MAST4: variants seen among roughly 807,000 people sequenced by gnomAD.
MAST4 encodes microtubule-associated serine/threonine-protein kinase 4.
Under a neutral mutation model 162.7 loss-of-function variants are expected in MAST4, and 89 were observed. The observed-to-expected ratio is 0.55, with a 90% CI of 0.46 to 0.65. The LOEUF (loss-of-function observed/expected upper bound fraction) is 0.65, where lower values mean the gene tolerates loss of function less well. MAST4 is among the 30% of genes least tolerant of loss of function. The probability of loss-of-function intolerance (pLI) is 0.00; values close to 1 mark genes in which losing one functional copy is unlikely to be tolerated. For missense variants in MAST4, 3,153 were observed against 3,374.0 expected, an observed-to-expected ratio of 0.93 and a Z score of 1.62; for synonymous variants, 1,479 against 1,361.1, an observed-to-expected ratio of 1.09 and a Z score of -1.91.
chr5:66,895,697 C>G (rs1377605316), intron 3 of MAST4, among the ~76,000 whole-genome samples: 1 of 152,106 alleles, frequency 6.6e-6, no homozygotes, highest in Non-Finnish European at 1.5e-5. Flanking sequence ...TACAGTATTT[C>G]TATAGCTTCC....
intron 3 of MAST4, among the ~76,000 whole-genome samples, chr5:66,897,240 G>T (rs922577235): frequency 3.3e-5 from 5 of 152,030 alleles, no homozygotes; most frequent in Non-Finnish European, 5.9e-5. Context: ...CATATGTCAA[G>T]CACAAGCTTG....
chr5:66,709,577 A>C (rs1750363711), intron 1 of MAST4, among the ~76,000 whole-genome samples: 1 of 152,078 alleles, frequency 6.6e-6, no homozygotes, highest in African/African-American at 2.4e-5. Flanking sequence ...TCGGCCTCCC[A>C]AAGTGCTGGG....
intron 1 of MAST4, among the ~76,000 whole-genome samples, chr5:66,604,944 A>G (rs1204324474): frequency 2.0e-5 from 3 of 152,194 alleles, no homozygotes; most frequent in Non-Finnish European, 4.4e-5. Context: ...AAATCCTCAC[A>G]TTTGAAATTA....
chr5:66,866,875 G>A (rs954186501), intron 3 of MAST4, among the ~76,000 whole-genome samples: 6 of 152,138 alleles, frequency 3.9e-5, no homozygotes, highest in African/African-American at 7.2e-5. Context: ...TCAGCCTCTC[G>A]AGTAGCCAGG....
At chr5:67,147,797 TAAATG>T (rs1458996204) in intron 23 of MAST4, among the ~76,000 whole-genome samples, 1 of 152,246 alleles carries the variant, frequency 6.6e-6, no homozygotes, top group Admixed American at 6.5e-5. Context: ...AATATTCTGT[TAAATG>T]AGAATGAGTT....
chr5:66,851,850 G>T (rs1040758514), intron 3 of MAST4, among the ~76,000 whole-genome samples: 1 of 152,096 alleles, frequency 6.6e-6, no homozygotes, highest in African/African-American at 2.4e-5. Flanking sequence ...CTTGCTAAGT[G>T]TGCCTAATTT....
At chr5:66,917,241 CTCTTT>C (rs965488361) in intron 4 of MAST4, 2 of 481,858 alleles carry the variant, frequency 4.2e-6, no homozygotes, top group African/African-American at 3.9e-5. Flanking sequence ...ATTTACATTT[CTCTTT>C]TCTTCACTTC....
chr5:66,866,045 A>C (rs1220514056), intron 3 of MAST4, among the ~76,000 whole-genome samples: 1 of 144,058 alleles, frequency 6.9e-6, no homozygotes, highest in African/African-American at 2.6e-5. Context: ...ACCACACTCC[A>C]GCCTGGGTGA....
intron 4 of MAST4, among the ~76,000 whole-genome samples, chr5:66,932,661 G>A (rs1290201816): frequency 6.6e-6 from 1 of 152,128 alleles, no homozygotes; most frequent in East Asian, 1.9e-4. Context: ...TCCATATTGG[G>A]GTTGGTAATT....
intron 4 of MAST4, among the ~76,000 whole-genome samples, chr5:66,953,502 C>T (rs926961106): frequency 2.0e-5 from 3 of 152,056 alleles, no homozygotes; most frequent in African/African-American, 7.2e-5. Context: ...TCCTGTATGG[C>T]ATGGAGACCC....
chr5:66,651,758 A>T (rs1746236238), intron 1 of MAST4, among the ~76,000 whole-genome samples: 1 of 152,140 alleles, frequency 6.6e-6, no homozygotes, highest in Non-Finnish European at 1.5e-5. Context: ...CTGCAGTCTC[A>T]TCTGAAAGCT....
At chr5:67,002,295 T>C (rs1476514606) in intron 4 of MAST4, among the ~76,000 whole-genome samples, 1 of 152,132 alleles carries the variant, frequency 6.6e-6, no homozygotes, top group African/African-American at 2.4e-5. Context: ...AGAATACAGA[T>C]CTACTAGTAC....
chr5:67,078,600 A>G (rs1266931043), intron 5 of MAST4, among the ~76,000 whole-genome samples: 2 of 146,058 alleles, frequency 1.4e-5, no homozygotes, highest in Admixed American at 7.0e-5. Context: ...TGTCAAGTCA[A>G]TAAAGCTGGA....
chr5:66,860,829 T>A (rs1476011383), intron 3 of MAST4, among the ~76,000 whole-genome samples: 1 of 151,710 alleles, frequency 6.6e-6, no homozygotes, highest in Admixed American at 6.6e-5. Context: ...GCATGCTTCC[T>A]TCCTACTTTG....
At chr5:66,641,358 A>G (rs1417932039) in intron 1 of MAST4, among the ~76,000 whole-genome samples, 2 of 151,986 alleles carry the variant, frequency 1.3e-5, no homozygotes, top group East Asian at 1.9e-4. Context: ...GAATTTCGCT[A>G]TGTTGGCTAG....
intron 3 of MAST4, among the ~76,000 whole-genome samples, chr5:66,874,677 G>A (rs1230318725): frequency 6.6e-6 from 1 of 152,104 alleles, no homozygotes. Context: ...AAAATACATG[G>A]TTTCGGTCTG....
At chr5:66,868,648 C>T (rs1226260859) in intron 3 of MAST4, among the ~76,000 whole-genome samples, 3 of 151,920 alleles carry the variant, frequency 2.0e-5, no homozygotes, top group Admixed American at 6.6e-5. Flanking sequence ...GACTTTAATC[C>T]TCCAGGCTCT....
chr5:66,694,807 A>G (rs1174255347), intron 1 of MAST4, among the ~76,000 whole-genome samples: 1 of 151,958 alleles, frequency 6.6e-6, no homozygotes, highest in Non-Finnish European at 1.5e-5. Flanking sequence ...TTTTTCTCAC[A>G]TGTTTTTGGC....
rs1685896777 is a variant in MAST4 at position 67,168,213 on chromosome 5, T to A, written c.*1162T>A. On this transcript the variant is annotated 3_prime_UTR_variant, in exon 29 of 29. Coordinates refer to ENST00000403625, the MANE Select transcript of MAST4 (RefSeq NM_001164664.2). ...CATCAGATACATTTTAATACATAGC[T>A]GGGGCCTTATGTTGTAGATGAAGCT... 1 of 152,122 alleles carries A rather than the reference T, an allele frequency of 6.6e-6. No homozygotes were observed. The highest frequency in any genetic ancestry group is 2.1e-4 in the South Asian group (1 of 4,830). The allele number at this position is 152,122 out of a possible 1,614,324, so 9.4% of individuals were successfully genotyped here. A position where few individuals can be genotyped will look rare whatever the true frequency, so the allele number is the denominator to read the frequency against.
Sources: gnomAD v4.1 joint callset for allele counts (sites outside exome capture counted in the v4.1 genomes callset) on GRCh38, gnomAD v4.1.1 for gene constraint, MANE v1.5 for transcripts, NCBI Gene and HGNC (gene_info 2026-07-23, HGNC 2026-07-21) for gene names.